Variants in ANK3 observed in about 807,000 individuals in gnomAD.
The protein encoded by ANK3 is ankyrin 3, also known as ankyrin-3.
A neutral mutation model predicts 370.9 loss-of-function variants in ANK3; 57 were observed. That is an observed-to-expected ratio of 0.15 (90% CI 0.12 to 0.19). The LOEUF (loss-of-function observed/expected upper bound fraction) is 0.19, where lower values mean the gene tolerates loss of function less well. ANK3 is among the 10% of genes least tolerant of loss of function. The pLI, the probability that ANK3 is intolerant of heterozygous loss-of-function variation, is 1.00. For synonymous variants in ANK3, 1,929 were observed against 1,946.3 expected (o/e 0.99, Z 0.23); for missense variants, 4,439 against 5,302.1 (o/e 0.84, Z 5.06).
At chr10:60,298,578 G>A (rs1191423612) in intron 1 of ANK3, among the ~76,000 whole-genome samples, 1 of 152,104 alleles carries the variant, frequency 6.6e-6, no homozygotes, top group East Asian at 1.9e-4. Context: ...ACTGCTTACG[G>A]CATGATAATT....
chr10:60,607,601 C>T (rs2078145439), intron 2 of ANK3, among the ~76,000 whole-genome samples: 2 of 152,166 alleles, frequency 1.3e-5, no homozygotes, highest in African/African-American at 4.8e-5. Context: ...GGAATCCTGA[C>T]AAGGCTGACA....
At chr10:60,429,989 G>C (rs1309671684) in intron 2 of ANK3, among the ~76,000 whole-genome samples, 3 of 152,152 alleles carry the variant, frequency 2.0e-5, no homozygotes, top group African/African-American at 2.4e-5. Context: ...ACTGGTAAAA[G>C]TATATTTATC....
chr10:60,196,385 A>G, intron 15 of ANK3, 142 bp from the exon 16 acceptor site: 1 of 922,138 alleles, frequency 1.1e-6, no homozygotes, highest in Non-Finnish European at 1.7e-6. Flanking sequence ...CCCAGCATTT[A>G]CCTTTTATTT....
At chr10:60,522,403 A>G (rs2076369248) in intron 2 of ANK3, among the ~76,000 whole-genome samples, 4 of 149,420 alleles carry the variant, frequency 2.7e-5, no homozygotes, top group African/African-American at 7.4e-5. Flanking sequence ...TGCTTGGAAC[A>G]TGGCCCTTTT....
At chr10:60,580,295 G>A (rs766036246) in intron 2 of ANK3, among the ~76,000 whole-genome samples, 16 of 152,160 alleles carry the variant, frequency 1.1e-4, no homozygotes, top group Non-Finnish European at 2.1e-4. Context: ...AAATCAAAGT[G>A]AGAAATGAAT....
At chr10:60,608,520 A>G (rs1391542719) in intron 2 of ANK3, among the ~76,000 whole-genome samples, 1 of 152,164 alleles carries the variant, frequency 6.6e-6, no homozygotes, top group Non-Finnish European at 1.5e-5. Flanking sequence ...AGTATTTATC[A>G]TGTCAAAGCT....
In ANK3 at chr10:60,082,156, A is replaced by G. The variant is rs1204550565; in HGVS notation, c.4344T>C (p.Asp1448=). ...AHKKETESDQ[D]DEIEKTDRRQ... ...GCAGAAGTGTTTATATTACCTCATC[A>G]TCTTGATCTGACTCTGTCTCCTTTT... The change falls in exon 35 of 44, where the codon GAT becomes GAC. Residue 1448 remains aspartate (D), a synonymous_variant. Coordinates refer to ENST00000280772, the MANE Select transcript of ANK3 (RefSeq NM_020987.5). The G allele has an allele frequency of 2.3e-5, 37 of 1,610,560 alleles. No individual in the cohort carries two copies. Among genetic ancestry groups the G allele is most frequent in the Non-Finnish European group, 3.1e-5 (36 of 1,178,190 alleles).
At chr10:60,375,788 C>T (rs1235996068) in intron 1 of ANK3, among the ~76,000 whole-genome samples, 1 of 152,202 alleles carries the variant, frequency 6.6e-6, no homozygotes, top group Non-Finnish European at 1.5e-5. Flanking sequence ...TTTATCGTTT[C>T]CTTATTTATT....
rs534190243 is a variant in ANK3, at chr10:60,313,247, G to C, written c.115-33608C>G. 6.6e-4 allele frequency among the ~76,000 whole-genome samples: 101 copies of C among 152,344 alleles called. 1 individual carries two copies. The highest frequency in any genetic ancestry group is 4.9e-3 in the Admixed American group (75 of 15,308). On this transcript the variant is annotated intron_variant, in intron 1 of 43. Transcript: ENST00000280772. ...CACTGTCGAAGAGATATCCTCAAGA[G>C]AGTTTGGAGATTCAATCAAAGTTAA...
chr10:60,388,367 A>G (rs2062707654), intron 1 of ANK3, among the ~76,000 whole-genome samples: 1 of 152,176 alleles, frequency 6.6e-6, no homozygotes, highest in Non-Finnish European at 1.5e-5. Flanking sequence ...GTCACTCCTG[A>G]AGAGGGGTAC....
chr10:60,208,152 C>A lies in ANK3; in HGVS notation c.1078G>T (p.Val360Leu). 2 of 1,614,122 alleles carry A rather than the reference C, an allele frequency of 1.2e-6. No individual in the cohort carries two copies. Among genetic ancestry groups the A allele is most frequent in the Non-Finnish European group, 1.7e-6 (2 of 1,180,002 alleles). ...AGGTAGTCATTGGTGACATCATCCA[C>A]GGGTACATTATGCTGGAGGAGAAGC... ...VQLLLQHNVP[V>L]DDVTNDYLTA... is the part of the protein sequence containing the mutation. The change falls in exon 10 of 44, where the codon GTG (valine) becomes TTG (leucine). Residue 360 changes from valine (V) to leucine (L), a missense_variant. Around this residue, in one of 13 missense-constraint regions of ANK3, gnomAD observed 227 missense variants for 377.6 expected, o/e 0.60. Transcript: ENST00000280772.
intron 19 of ANK3, 28 bp downstream of exon 19, chr10:60,173,060 G>A (rs764617473): frequency 1.2e-6 from 2 of 1,608,496 alleles, no homozygotes; most frequent in African/African-American, 1.3e-5. Context: ...AAATGATTCT[G>A]GCAGAAACAA....
intron 1 of ANK3, among the ~76,000 whole-genome samples, chr10:60,312,073 G>A (rs757634187): frequency 8.5e-5 from 13 of 152,244 alleles, no homozygotes; most frequent in Middle Eastern, 3.4e-3. Flanking sequence ...CAGAGTTTGC[G>A]GGCAGGAATA....
chr10:60,337,712 T>C (rs1042195186), intron 1 of ANK3, among the ~76,000 whole-genome samples: 2 of 152,174 alleles, frequency 1.3e-5, no homozygotes, highest in Non-Finnish European at 2.9e-5. Flanking sequence ...CCCTAATATA[T>C]GTTAGGTAGG....
chr10:60,141,110 G>T, intron 23 of ANK3: 1 of 794,930 alleles, frequency 1.3e-6, no homozygotes, highest in Non-Finnish European at 1.5e-6. Context: ...TTGAGGTTGT[G>T]AAACTGGGGC....
intron 2 of ANK3, among the ~76,000 whole-genome samples, chr10:60,506,001 C>T (rs2075929900): frequency 6.6e-6 from 1 of 152,072 alleles, no homozygotes; most frequent in Non-Finnish European, 1.5e-5. Context: ...CAAGTTTCTC[C>T]ACCCAATTAA....
chr10:60,692,230 T>C (rs1242565704), intron 1 of ANK3, among the ~76,000 whole-genome samples: 3 of 152,216 alleles, frequency 2.0e-5, no homozygotes, highest in Admixed American at 2.0e-4. Flanking sequence ...TGTTCCTACA[T>C]AAGCAATACT....
chr10:60,114,135 T>C (rs2132112661), intron 26 of ANK3, 90 bp downstream of exon 26: 2 of 575,622 alleles, frequency 3.5e-6, no homozygotes, highest in East Asian at 3.0e-5. Flanking sequence ...TTCATATATA[T>C]GAAGCTTGTT....
intron 23 of ANK3, among the ~76,000 whole-genome samples, chr10:60,149,423 G>A (rs2094984026): frequency 6.6e-6 from 1 of 152,156 alleles, no homozygotes. Context: ...GGACAGACCT[G>A]ATTTAGGGGG....
Sources: gnomAD v4.1 joint callset for allele counts (sites outside exome capture counted in the v4.1 genomes callset) on GRCh38, gnomAD v4.1.1 for gene constraint, gnomAD v4.1.1 regional missense constraint, MANE v1.5 for transcripts, NCBI Gene and HGNC (gene_info 2026-07-23, HGNC 2026-07-21) for gene names.